The following MYO16 variants were observed in gnomAD, a reference collection of about 807,000 sequenced individuals.
MYO16 encodes unconventional myosin-XVI.
MYO16 carries 94 observed loss-of-function variants against 205.3 expected under a neutral mutation model. That is an observed-to-expected ratio of 0.46 (90% CI 0.39 to 0.54). The LOEUF is 0.54. Ranked by LOEUF, MYO16 falls within the 20% of genes least tolerant of loss-of-function variation. The pLI is 0.00. For missense variants in MYO16, 2,315 were observed against 2,387.5 expected, an observed-to-expected ratio of 0.97 and a Z score of 0.63; for synonymous variants, 988 against 954.0, an observed-to-expected ratio of 1.04 and a Z score of -0.66.
intron 1 of MYO16, among the ~76,000 whole-genome samples, chr13:108,620,600 G>A (rs947048538): frequency 6.6e-6 from 1 of 152,162 alleles, no homozygotes; most frequent in Non-Finnish European, 1.5e-5. Flanking sequence ...GTCAGATCAA[G>A]TCCGCCTTTA....
upstream of MYO16, among the ~76,000 whole-genome samples, chr13:108,592,071 G>C (rs537926435): frequency 6.7e-6 from 1 of 149,182 alleles, no homozygotes; most frequent in Non-Finnish European, 1.5e-5. Flanking sequence ...TGGGATGTGT[G>C]GGGGGTGGGG....
At chr13:109,051,514 C>A (rs1887245431) in intron 24 of MYO16, among the ~76,000 whole-genome samples, 2 of 152,086 alleles carry the variant, frequency 1.3e-5, no homozygotes, top group South Asian at 2.1e-4. Context: ...GGCTTAAAAA[C>A]CACCTACATT....
At chr13:108,710,558 G>A (rs1436122526) in intron 2 of MYO16, among the ~76,000 whole-genome samples, 1 of 152,178 alleles carries the variant, frequency 6.6e-6, no homozygotes, top group Non-Finnish European at 1.5e-5. Context: ...AGTGCCTGAA[G>A]CATGCTACAT....
At chr13:108,812,552 A>G (rs1448017079) in intron 7 of MYO16, among the ~76,000 whole-genome samples, 1 of 152,164 alleles carries the variant, frequency 6.6e-6, no homozygotes, top group Non-Finnish European at 1.5e-5. Context: ...GGGCTTTGGT[A>G]GCACTGGAAA....
chr13:108,784,415 T>A (rs2138919949), intron 4 of MYO16, among the ~76,000 whole-genome samples: 1 of 152,272 alleles, frequency 6.6e-6, no homozygotes, highest in South Asian at 2.1e-4. Flanking sequence ...CATAGTACAC[T>A]CAATATAGTG....
intron 2 of MYO16, among the ~76,000 whole-genome samples, chr13:108,709,234 T>A (rs1015520584): frequency 7.9e-5 from 12 of 152,226 alleles, no homozygotes; most frequent in Non-Finnish European, 1.6e-4. Flanking sequence ...GCTCCAATCA[T>A]GTTATTACAA....
chr13:108,641,512 G>T (rs1880502405), intron 1 of MYO16, among the ~76,000 whole-genome samples: 1 of 152,030 alleles, frequency 6.6e-6, no homozygotes, highest in African/African-American at 2.4e-5. Context: ...TAAGATTAAG[G>T]AAAGACATTC....
chr13:109,075,759 T>C (rs1888078358), intron 27 of MYO16, among the ~76,000 whole-genome samples: 1 of 152,222 alleles, frequency 6.6e-6, no homozygotes, highest in Admixed American at 6.5e-5. Flanking sequence ...AATAGTATCA[T>C]GTTGATTGCT....
chr13:109,110,401 C>T (rs1001917294), intron 28 of MYO16, among the ~76,000 whole-genome samples: 1 of 152,216 alleles, frequency 6.6e-6, no homozygotes, highest in Non-Finnish European at 1.5e-5. Flanking sequence ...TTATTCATCA[C>T]TGCCTGCTAT....
At chr13:109,134,075 C>T (rs1876659478) in intron 31 of MYO16, among the ~76,000 whole-genome samples, 3 of 152,124 alleles carry the variant, frequency 2.0e-5, no homozygotes, top group Admixed American at 6.5e-5. Context: ...GTGATAATGT[C>T]GATCATGATG....
intron 27 of MYO16, among the ~76,000 whole-genome samples, chr13:109,070,055 T>A (rs1479609698): frequency 6.6e-6 from 1 of 152,182 alleles, no homozygotes; most frequent in African/African-American, 2.4e-5. Flanking sequence ...TATTCTAGAA[T>A]CTAATACTGT....
At chr13:108,791,878 A>G (rs957648470) in intron 5 of MYO16, among the ~76,000 whole-genome samples, 2 of 152,212 alleles carry the variant, frequency 1.3e-5, no homozygotes, top group Admixed American at 6.5e-5. Flanking sequence ...AGGAGCATCA[A>G]TCCAGAGTGT....
At chr13:108,991,584 AGT>A (rs1218422329) in intron 20 of MYO16, among the ~76,000 whole-genome samples, 24 of 152,162 alleles carry the variant, frequency 1.6e-4, no homozygotes, top group Non-Finnish European at 2.2e-4. Flanking sequence ...AGAAGACACA[AGT>A]ATAGCTAGTG....
chr13:108,655,028 A>G (rs1191029065), intron 1 of MYO16, among the ~76,000 whole-genome samples: 3 of 152,242 alleles, frequency 2.0e-5, no homozygotes, highest in East Asian at 3.8e-4. Context: ...TGATGCGTAG[A>G]AAAGAAAAAC....
chr13:108,565,247 T>C, the MYO16 span, among the ~76,000 whole-genome samples: 8 of 152,334 alleles, frequency 5.3e-5, no homozygotes, highest in South Asian at 1.4e-3. Flanking sequence ...AAATATTACA[T>C]TGAATCTATT....
At chr13:108,578,189 G>T in the MYO16 span, among the ~76,000 whole-genome samples, 1 of 152,170 alleles carries the variant, frequency 6.6e-6, no homozygotes, top group Non-Finnish European at 1.5e-5. Context: ...GCTGCCGTCA[G>T]TTGCCAGGAT....
intron 1 of MYO16, among the ~76,000 whole-genome samples, chr13:108,640,726 G>C (rs969898227): frequency 1.3e-5 from 2 of 152,140 alleles, no homozygotes; most frequent in African/African-American, 4.8e-5. Flanking sequence ...GTTGGGCCTG[G>C]GTTTTGTTTT....
At chr13:108,924,727 G>A (rs193138238) in intron 16 of MYO16, among the ~76,000 whole-genome samples, 1 of 152,284 alleles carries the variant, frequency 6.6e-6, no homozygotes, top group African/African-American at 2.4e-5. Flanking sequence ...CACACCCACA[G>A]GGGTCTTCCC....
At chr13:108,829,931 C>T (rs1662970272) in intron 9 of MYO16, among the ~76,000 whole-genome samples, 1 of 149,140 alleles carries the variant, frequency 6.7e-6, no homozygotes, top group African/African-American at 2.5e-5. Flanking sequence ...CAAACAACCC[C>T]ATCAAAAAGT....
Sources: gnomAD v4.1 joint callset for allele counts (sites outside exome capture counted in the v4.1 genomes callset) on GRCh38, gnomAD v4.1.1 for gene constraint, MANE v1.5 for transcripts, NCBI Gene and HGNC (gene_info 2026-07-23, HGNC 2026-07-21) for gene names.